The following GABRG3 variants were observed in gnomAD, a reference collection of about 807,000 sequenced individuals.
GABRG3 encodes gamma-aminobutyric acid type A receptor subunit gamma3, also known as gamma-aminobutyric acid receptor subunit gamma-3.
Under a neutral mutation model 48.8 loss-of-function variants are expected in GABRG3, and 25 were observed. The observed-to-expected ratio is 0.51, with a 90% confidence interval of 0.37 to 0.72. The LOEUF (loss-of-function observed/expected upper bound fraction) is 0.72. GABRG3 is among the 30% of genes least tolerant of loss of function. The pLI is 0.00. For missense variants in GABRG3, 394 were observed against 577.9 expected, an observed-to-expected ratio of 0.68 and a Z score of 3.26; for synonymous variants, 227 against 217.6, an observed-to-expected ratio of 1.04 and a Z score of -0.38.
chr15:27,148,722 T>A (rs1462489335), intron 3 of GABRG3, among the ~76,000 whole-genome samples: 2 of 152,018 alleles, frequency 1.3e-5, no homozygotes, highest in African/African-American at 4.8e-5. Context: ...TGTAATACTC[T>A]GTATTCATAG....
intron 3 of GABRG3, among the ~76,000 whole-genome samples, chr15:27,305,455 A>T (rs976780762): frequency 6.7e-6 from 1 of 149,266 alleles, no homozygotes; most frequent in Non-Finnish European, 1.5e-5. Flanking sequence ...CCATAAATTT[A>T]TATATGGATT....
intron 3 of GABRG3, among the ~76,000 whole-genome samples, chr15:27,136,853 G>T (rs777611854): frequency 2.0e-5 from 3 of 151,932 alleles, no homozygotes; most frequent in Admixed American, 6.6e-5. Context: ...ACATTTCTCC[G>T]ATGACTGCTA....
Position 26,971,598 on chromosome 15 carries a change from G to GT in GABRG3, c.53+10_53+11insT. 1 of 1,526,788 alleles carries GT rather than the reference G, an allele frequency of 6.5e-7. No homozygotes were observed. Among genetic ancestry groups the GT allele is most frequent in the East Asian group, 2.6e-5 (1 of 38,124 alleles). The allele number at this position is 1,526,788 out of a possible 1,614,324, so 94.6% of individuals were successfully genotyped here. On this transcript the variant is annotated intron_variant, in intron 1 of 9. Transcript: ENST00000615808. ...CGGGCTTGCACGCGCGGTAAGTGGC[G>GT]CGGGGGCCGCATCCCCGGAGGCCCC...
chr15:27,288,813 A>G (rs748162429), intron 3 of GABRG3, among the ~76,000 whole-genome samples: 1 of 152,154 alleles, frequency 6.6e-6, no homozygotes, highest in Non-Finnish European at 1.5e-5. Context: ...ATTTCCACAT[A>G]ATGTGATTTT....
rs542493777 is a variant in GABRG3, at chr15:27,339,655, G to A, written c.574+10767G>A. On this transcript the variant is annotated intron_variant, in intron 5 of 9. Transcript: ENST00000615808. ...CCCAATAACTGACCTCCTTACTTTG[G>A]TGGAAACTCACTACAGAGGGCAAAC... Among the ~76,000 whole-genome samples, 3 of 152,324 alleles carry A rather than the reference G, an allele frequency of 2.0e-5. No homozygotes were observed. The South Asian group carries it at 6.2e-4, about 32-fold the overall frequency.
chr15:27,071,450 C>T (rs144054592), intron 3 of GABRG3, among the ~76,000 whole-genome samples: 38 of 152,332 alleles, frequency 2.5e-4, no homozygotes, highest in African/African-American at 7.7e-4. Context: ...AATGCAGCAA[C>T]GACACAGCAA....
At chr15:27,382,135 C>T (rs930146396) in intron 5 of GABRG3, among the ~76,000 whole-genome samples, 3 of 152,158 alleles carry the variant, frequency 2.0e-5, no homozygotes, top group Non-Finnish European at 2.9e-5. Flanking sequence ...TTCTACACTC[C>T]ATTCACTTCA....
chr15:27,361,606 T>G (rs1001182645), intron 5 of GABRG3, among the ~76,000 whole-genome samples: 1 of 152,228 alleles, frequency 6.6e-6, no homozygotes, highest in Non-Finnish European at 1.5e-5. Context: ...ACCTCGCCTG[T>G]TGGCTCAGAG....
At position 26,984,005 on chromosome 15, in the gene GABRG3, C is replaced by T. The variant is rs530840747; in HGVS notation, c.202+6855C>T. On this transcript the variant is annotated intron_variant, in intron 2 of 9. Coordinates refer to ENST00000615808, the MANE Select transcript of GABRG3 (RefSeq NM_033223.5). ...GCTCACCATGCCTGTCTTCGAGCCT[C>T]GTTGTCGCCCCCTACAGGAAGCCCT... Among the ~76,000 whole-genome samples, 11 of 152,224 alleles carry T rather than the reference C, an allele frequency of 7.2e-5. No homozygotes were observed. In the South Asian group the frequency reaches 1.9e-3, roughly 26 times the overall value.
In GABRG3 at chr15:27,213,790, A is replaced by G. The variant is rs1318914307; in HGVS notation, c.271-113019A>G. On this transcript the variant is annotated intron_variant, in intron 3 of 9. Coordinates refer to ENST00000615808, the MANE Select transcript of GABRG3 (RefSeq NM_033223.5). ...TGTTTCAACCATGTAATGTTTCACC[A>G]CTGTACTGGCCTTCAAACTCCACTG... Among the ~76,000 whole-genome samples, 5 of 152,342 alleles carry G rather than the reference A, an allele frequency of 3.3e-5. No individual in the cohort carries two copies. The East Asian group carries it at 9.6e-4, about 29-fold the overall frequency.
At chr15:27,333,222 G>A (rs947535219) in intron 5 of GABRG3, among the ~76,000 whole-genome samples, 8 of 152,010 alleles carry the variant, frequency 5.3e-5, no homozygotes, top group Admixed American at 2.0e-4. Context: ...CCTATTACTC[G>A]TGCAACAAAT....
intron 6 of GABRG3, among the ~76,000 whole-genome samples, chr15:27,496,591 G>A (rs11638842): frequency 0.67 from 101,300 of 151,986 alleles, 34,129 homozygotes; most frequent in East Asian, 0.86. Flanking sequence ...TCCACATTTC[G>A]AAGCGTTATG....
At chr15:27,006,326 C>T (rs544166335) in intron 2 of GABRG3, among the ~76,000 whole-genome samples, 109 of 152,108 alleles carry the variant, frequency 7.2e-4, no homozygotes, top group African/African-American at 2.4e-3. Flanking sequence ...CTCAGCCTCC[C>T]GAGTAGCTGG....
intron 5 of GABRG3, among the ~76,000 whole-genome samples, chr15:27,479,019 AG>A (rs369922650): frequency 6.6e-6 from 1 of 152,110 alleles, no homozygotes; most frequent in Non-Finnish European, 1.5e-5. Flanking sequence ...TGGGCAGGAA[AG>A]GGGGGAAAAG....
chr15:27,308,305 T>TATGTTTATATATCC, intron 3 of GABRG3, among the ~76,000 whole-genome samples: 2 of 127,292 alleles, frequency 1.6e-5, no homozygotes, highest in African/African-American at 6.7e-5. Flanking sequence ...AAACATCATA[T>TATGTTTATATATCC]AAACATATAT....
At chr15:27,256,772 C>T (rs1890635263) in intron 3 of GABRG3, among the ~76,000 whole-genome samples, 1 of 152,094 alleles carries the variant, frequency 6.6e-6, no homozygotes, top group African/African-American at 2.4e-5. Context: ...GGGTAAAGAC[C>T]CCTTAAACAA....
rs76739316 is a variant in GABRG3, at chr15:27,056,553, T to C, written c.270+29732T>C. 0.011 allele frequency among the ~76,000 whole-genome samples: 1,671 copies of C among 152,076 alleles called. 98 individuals carry two copies. In the East Asian group the frequency reaches 0.17, roughly 15 times the overall value. ...AGCTGTGGAAAGAAAGTGAGAAGTG[T>C]TGTCCAGTGTTGGTGGGAGAATGAA... On this transcript the variant is annotated intron_variant, in intron 3 of 9. Transcript: ENST00000615808.
chr15:27,171,399 G>A (rs990045681), intron 3 of GABRG3, among the ~76,000 whole-genome samples: 13 of 151,894 alleles, frequency 8.6e-5, no homozygotes, highest in South Asian at 4.2e-4. Context: ...GAACGTTGTC[G>A]TACATAGATG....
intron 3 of GABRG3, among the ~76,000 whole-genome samples, chr15:27,201,816 C>T (rs748901922): frequency 3.3e-5 from 5 of 151,950 alleles, no homozygotes; most frequent in Non-Finnish European, 5.9e-5. Context: ...GATAAAAATG[C>T]GACATTATGT....
Sources: allele counts gnomAD v4.1 joint callset (sites outside exome capture counted in the v4.1 genomes callset), GRCh38; gene constraint gnomAD v4.1.1; transcripts MANE v1.5; gene names NCBI Gene and HGNC (gene_info 2026-07-23, HGNC 2026-07-21).